DNAH9: variants seen among roughly 807,000 people sequenced by gnomAD.
DNAH9 encodes dynein axonemal heavy chain 9.
In DNAH9, 345 loss-of-function variants were observed where a neutral mutation model predicts 471.6. The ratio of observed to expected loss-of-function variants is 0.73; its 90% confidence interval spans 0.67 to 0.80. The LOEUF (loss-of-function observed/expected upper bound fraction) is 0.80, where lower values mean the gene tolerates loss of function less well. DNAH9 is among the 30% of genes least tolerant of loss of function. DNAH9 has a pLI of 0.00. For missense variants in DNAH9, 5,407 were observed against 5,609.2 expected (o/e 0.96, Z 1.15); for synonymous variants, 2,093 against 2,123.6 (o/e 0.99, Z 0.40).
rs1013167194 is a variant in DNAH9 at position 11,960,397 on chromosome 17, C to T, written c.12844-1470C>T. ...GTTGCCGTGAGCTGAGATCGTGCTACTGCACTCCAGCCTGGGTGACAGAGC... is the reference window on the plus strand; with the variant it reads ...GTTGCCGTGAGCTGAGATCGTGCTATTGCACTCCAGCCTGGGTGACAGAGC... On this transcript the variant is annotated intron_variant, in intron 67 of 68. Coordinates refer to ENST00000262442, the MANE Select transcript of DNAH9 (RefSeq NM_001372.4). Among the ~76,000 whole-genome samples the T allele has an allele frequency of 1.2e-4, 17 of 138,210 alleles. No homozygotes were observed. The Admixed American group carries it at 1.3e-3, about 10-fold the overall frequency. The allele number at this position is 138,210 out of a possible 152,430, so 90.7% of individuals were successfully genotyped here. A position where few individuals can be genotyped will look rare whatever the true frequency, so the allele number is the denominator to read the frequency against.
intron 7 of DNAH9, among the ~76,000 whole-genome samples, chr17:11,631,970 T>C (rs1303827084): frequency 7.8e-6 from 1 of 128,706 alleles, no homozygotes; most frequent in Non-Finnish European, 1.6e-5. Context: ...TACACTAATT[T>C]GGACATACTA....
chr17:11,812,241 T>C lies in DNAH9; in HGVS notation c.8707+1872T>C, dbSNP rs1239749242. Among the ~76,000 whole-genome samples, 5 of 151,410 alleles carry C rather than the reference T, an allele frequency of 3.3e-5. No homozygotes were observed. The South Asian group carries it at 8.4e-4, about 25-fold the overall frequency. On this transcript the variant is annotated intron_variant, in intron 45 of 68. Coordinates refer to ENST00000262442, the MANE Select transcript of DNAH9 (RefSeq NM_001372.4). Reference sequence around the variant, plus strand: ...AAAACAGTCAGTGTACAAATGTTCCTGAACAAAATTTCTGCCTCCAGACTT... The same window carrying C: ...AAAACAGTCAGTGTACAAATGTTCCCGAACAAAATTTCTGCCTCCAGACTT...
In DNAH9 at chr17:11,823,001, C is replaced by A. The variant is rs746628626; in HGVS notation, c.9213C>A (p.Asn3071Lys). The change falls in exon 48 of 69, where the codon AAC (asparagine) becomes AAA (lysine). Residue 3071 changes from asparagine (N) to lysine (K), a missense_variant. Around this residue, in one of 3 missense-constraint regions of DNAH9, gnomAD observed 4,636 missense variants for 4,900.3 expected, o/e 0.95. Transcript: ENST00000262442. ...ELKCKTERLE[N>K]GLLKLHSTSA... ...AGTGCAAGACAGAGCGGTTGGAGAACGGGCTGCTGAAGCTGCATAGCACCT... is the reference window on the plus strand; with the variant it reads ...AGTGCAAGACAGAGCGGTTGGAGAAAGGGCTGCTGAAGCTGCATAGCACCT... 1.2e-6 allele frequency: 2 copies of A among 1,613,898 alleles called. No homozygotes were observed. Among genetic ancestry groups the A allele is most frequent in the South Asian group, 2.2e-5 (2 of 91,064 alleles).
At chr17:11,890,025 T>C (rs558053256) in intron 57 of DNAH9, among the ~76,000 whole-genome samples, 1 of 152,316 alleles carries the variant, frequency 6.6e-6, no homozygotes, top group South Asian at 2.1e-4. Context: ...GCAAAATTAG[T>C]TTAATATAAA....
At chr17:11,759,315 C>T (rs1402408924) in intron 35 of DNAH9, among the ~76,000 whole-genome samples, 1 of 151,872 alleles carries the variant, frequency 6.6e-6, no homozygotes, top group African/African-American at 2.4e-5. Context: ...TTTATTATTT[C>T]ACTCTATATT....
chr17:11,681,256 A>G (rs974275615), intron 19 of DNAH9, among the ~76,000 whole-genome samples: 2 of 152,280 alleles, frequency 1.3e-5, no homozygotes, highest in Admixed American at 1.3e-4. Flanking sequence ...TGGCTGATTG[A>G]ATTTTTAAAA....
Position 11,669,223 on chromosome 17 carries a change from C to G in DNAH9, c.2891C>G (p.Pro964Arg). ...ATTTTTAGGATACCATCTCTGGTGC[C>G]ACGGCTTTCCCCACAAAATGGCTCT... ...TSIFRIPSLV[P>R]RLSPQNGSPH... is the part of the protein sequence containing the mutation. Residue 964 changes from proline to arginine, a missense_variant, in exon 16 of 69, where the codon CCA (proline) becomes CGA (arginine). Pro to Arg is a moderately radical substitution (Grantham distance 103). Around this residue, in one of 3 missense-constraint regions of DNAH9, gnomAD observed 4,636 missense variants for 4,900.3 expected, o/e 0.95. Transcript: ENST00000262442. 6.2e-7 allele frequency: 1 copy of G among 1,613,922 alleles called. No individual in the cohort carries two copies. The highest frequency in any genetic ancestry group is 8.5e-7 in the Non-Finnish European group (1 of 1,179,932).
Position 11,745,058 on chromosome 17 carries a change from C to T in DNAH9, c.6373C>T (p.Gln2125Ter). 2 of 1,613,672 alleles carry T rather than the reference C, an allele frequency of 1.2e-6. No homozygotes were observed. The highest frequency in any genetic ancestry group is 1.7e-6 in the Non-Finnish European group (2 of 1,179,668). ...GAAGGCGATAGTGGATCTGAAGCTC[C>T]AGGCTGAGGACAACTTTGTGCTCAA... is the stretch of plus-strand genomic sequence containing the variant. ...VRKAIVDLKL[Q>*]AEDNFVLKVV... The change falls in exon 31 of 69, where the codon CAG becomes TAG. Residue 2125 changes from glutamine to a stop codon, truncating the protein, a stop_gained. Coordinates refer to ENST00000262442, the MANE Select transcript of DNAH9 (RefSeq NM_001372.4). LOFTEE classifies it high-confidence loss of function.
chr17:11,762,770 G>GTTTGTTTTGT (rs1193246497), intron 35 of DNAH9, among the ~76,000 whole-genome samples: 8 of 90,796 alleles, frequency 8.8e-5, no homozygotes, highest in Non-Finnish European at 4.4e-5. Flanking sequence ...TTTTTTTTTT[G>GTTTGTTTTGT]TTTTTTTTTT....
At chr17:11,782,672 G>T (rs190360543) in intron 39 of DNAH9, among the ~76,000 whole-genome samples, 33 of 152,116 alleles carry the variant, frequency 2.2e-4, no homozygotes, top group Non-Finnish European at 8.8e-5. Flanking sequence ...CAAGGTGGGC[G>T]AATCACTTGA....
At chr17:11,681,278 A>G (rs1056050733) in intron 19 of DNAH9, among the ~76,000 whole-genome samples, 4 of 152,144 alleles carry the variant, frequency 2.6e-5, no homozygotes, top group Non-Finnish European at 5.9e-5. Context: ...TTTACAGAGC[A>G]TTTCATTTTG....
chr17:11,630,687 A>G (rs561879690), intron 7 of DNAH9, among the ~76,000 whole-genome samples: 2 of 152,298 alleles, frequency 1.3e-5, no homozygotes, highest in South Asian at 2.1e-4. Context: ...CACGTTCTGC[A>G]CATGTATCCC....
At chr17:11,789,143 T>C (rs1168883155) in intron 41 of DNAH9, among the ~76,000 whole-genome samples, 1 of 152,058 alleles carries the variant, frequency 6.6e-6, no homozygotes, top group African/African-American at 2.4e-5. Context: ...ATTTTTAATA[T>C]AATTTTTGAA....
At chr17:11,750,431 A>G (rs1967100116) in intron 32 of DNAH9, among the ~76,000 whole-genome samples, 1 of 152,224 alleles carries the variant, frequency 6.6e-6, no homozygotes, top group African/African-American at 2.4e-5. Flanking sequence ...ACCAAACTCA[A>G]TATAATAACA....
chr17:11,708,010 C>G (rs62061783), intron 26 of DNAH9, among the ~76,000 whole-genome samples: 6,016 of 46,910 alleles, frequency 0.13, 150 homozygotes, highest in East Asian at 0.32. Context: ...CACACACACA[C>G]ACACAGAGAG....
chr17:11,845,556 T>C (rs1420678992), intron 49 of DNAH9, among the ~76,000 whole-genome samples: 1 of 147,762 alleles, frequency 6.8e-6, no homozygotes, highest in Non-Finnish European at 1.5e-5. Context: ...GTATTTCTAG[T>C]TCTAGATCCC....
intron 29 of DNAH9, among the ~76,000 whole-genome samples, chr17:11,740,913 C>T (rs991830841): frequency 6.6e-6 from 1 of 152,082 alleles, no homozygotes; most frequent in Non-Finnish European, 1.5e-5. Flanking sequence ...GCAACAGTAG[C>T]GCATTTCTTT....
At chr17:11,613,328 A>AG (rs2072675708) in intron 4 of DNAH9, among the ~76,000 whole-genome samples, 1 of 152,190 alleles carries the variant, frequency 6.6e-6, no homozygotes, top group Non-Finnish European at 1.5e-5. Context: ...TTTAAAAAAA[A>AG]TATGTTAAAG....
chr17:11,727,516 C>A (rs910338035), intron 27 of DNAH9, among the ~76,000 whole-genome samples: 7 of 152,248 alleles, frequency 4.6e-5, no homozygotes, highest in Middle Eastern at 3.4e-3. Flanking sequence ...TAAGAAAAAT[C>A]ATCTTTTATT....
Sources: gnomAD v4.1 joint callset for allele counts (sites outside exome capture counted in the v4.1 genomes callset) on GRCh38, gnomAD v4.1.1 for gene constraint, gnomAD v4.1.1 regional missense constraint, MANE v1.5 for transcripts, NCBI Gene and HGNC (gene_info 2026-07-23, HGNC 2026-07-21) for gene names.